MGMT: variants seen among roughly 807,000 people sequenced by gnomAD.
The protein encoded by MGMT is O-6-methylguanine-DNA methyltransferase.
Under a neutral mutation model 15.9 loss-of-function variants are expected in MGMT, and 14 were observed. That is an observed-to-expected ratio of 0.88 (90% confidence interval 0.58 to 1.37). The LOEUF (loss-of-function observed/expected upper bound fraction) is 1.37. Among genes scored for constraint, MGMT ranks in the 40% most tolerant of loss-of-function variants. The pLI is 0.00. For synonymous variants in MGMT, 130 were observed against 118.2 expected (o/e 1.10, Z -0.65); for missense variants, 282 against 268.1 (o/e 1.05, Z -0.36).
chr10:129,531,246 G>C (rs1845928250), intron 1 of MGMT, among the ~76,000 whole-genome samples: 1 of 152,128 alleles, frequency 6.6e-6, no homozygotes, highest in African/African-American at 2.4e-5. Context: ...CGGTATTACT[G>C]TGCGGGCTGT....
chr10:129,529,437 A>G (rs10829604), intron 1 of MGMT, among the ~76,000 whole-genome samples: 49,445 of 151,890 alleles, frequency 0.33, 10,085 homozygotes, highest in African/African-American at 0.59. Context: ...ACAGTTCACA[A>G]TAGGCTTCAC....
At chr10:129,689,234 C>G (rs1416012189) in intron 2 of MGMT, among the ~76,000 whole-genome samples, 1 of 152,212 alleles carries the variant, frequency 6.6e-6, no homozygotes, top group Non-Finnish European at 1.5e-5. Flanking sequence ...CAGCCCAACC[C>G]TGTCCTTTGT....
At chr10:129,645,810 A>G (rs1403969746) in intron 2 of MGMT, among the ~76,000 whole-genome samples, 1 of 152,264 alleles carries the variant, frequency 6.6e-6, no homozygotes, top group East Asian at 1.9e-4. Flanking sequence ...CGTGATGTCT[A>G]ATCTCCAGTG....
intron 2 of MGMT, among the ~76,000 whole-genome samples, chr10:129,653,740 A>G (rs544492574): frequency 3.9e-5 from 6 of 152,370 alleles, no homozygotes; most frequent in Admixed American, 3.9e-4. Context: ...CAGGAAGCAC[A>G]GCGTGGTGGC....
intron 2 of MGMT, among the ~76,000 whole-genome samples, chr10:129,548,306 C>T (rs1389120572): frequency 4.6e-5 from 7 of 152,160 alleles, no homozygotes; most frequent in East Asian, 3.8e-4. Context: ...AATATATGCT[C>T]CTGAAACTAG....
At chr10:129,505,454 A>AT (rs1845615908) in intron 1 of MGMT, among the ~76,000 whole-genome samples, 1 of 152,136 alleles carries the variant, frequency 6.6e-6, no homozygotes, top group African/African-American at 2.4e-5. Context: ...CTGAGATTCC[A>AT]TTTTTTCCAA....
chr10:129,655,851 A>T (rs953352130), intron 2 of MGMT, among the ~76,000 whole-genome samples: 2 of 152,158 alleles, frequency 1.3e-5, no homozygotes, highest in African/African-American at 4.8e-5. Context: ...GTGTTTCTGG[A>T]GGAAACGCAC....
intron 1 of MGMT, chr10:129,467,560 C>A: frequency 2.1e-6 from 1 of 465,638 alleles, no homozygotes; most frequent in African/African-American, 2.1e-5. Context: ...GCAGCCCCTG[C>A]CTTACCTCTA....
At chr10:129,646,635 C>T (rs1159604838) in intron 2 of MGMT, among the ~76,000 whole-genome samples, 1 of 149,332 alleles carries the variant, frequency 6.7e-6, no homozygotes, top group African/African-American at 2.5e-5. Flanking sequence ...CAGCTTAACA[C>T]GTGGCATCCT....
chr10:129,765,949 C>T (rs1848928932), intron 4 of MGMT, among the ~76,000 whole-genome samples: 1 of 152,220 alleles, frequency 6.6e-6, no homozygotes, highest in Non-Finnish European at 1.5e-5. Context: ...CCTGTCTACA[C>T]AGCTCGGGCA....
intron 2 of MGMT, among the ~76,000 whole-genome samples, chr10:129,619,534 T>C (rs766603523): frequency 2.6e-5 from 4 of 152,248 alleles, no homozygotes; most frequent in African/African-American, 4.8e-5. Flanking sequence ...TATTCTCTCT[T>C]GTACTGCTTT....
At chr10:129,470,111 A>T (rs914627519) in intron 1 of MGMT, among the ~76,000 whole-genome samples, 1 of 152,262 alleles carries the variant, frequency 6.6e-6, no homozygotes, top group Non-Finnish European at 1.5e-5. Flanking sequence ...TTATATAGAC[A>T]CTCATGATGC....
At chr10:129,655,153 C>T (rs753164359) in intron 2 of MGMT, among the ~76,000 whole-genome samples, 1 of 152,166 alleles carries the variant, frequency 6.6e-6, no homozygotes, top group African/African-American at 2.4e-5. Context: ...TGCAGCCATT[C>T]CCCAGCCAGT....
chr10:129,749,861 A>G (rs1848734040), intron 3 of MGMT, among the ~76,000 whole-genome samples: 1 of 152,120 alleles, frequency 6.6e-6, no homozygotes, highest in Admixed American at 6.5e-5. Flanking sequence ...TGCAGCTCCT[A>G]AAGACAAATT....
At chr10:129,559,854 G>C (rs1476350448) in intron 2 of MGMT, among the ~76,000 whole-genome samples, 1 of 152,096 alleles carries the variant, frequency 6.6e-6, no homozygotes. Flanking sequence ...GCCCTAATTT[G>C]TCTTTTGAAA....
intron 3 of MGMT, among the ~76,000 whole-genome samples, chr10:129,755,678 T>C (rs1401430132): frequency 6.6e-6 from 1 of 152,222 alleles, no homozygotes; most frequent in Non-Finnish European, 1.5e-5. Context: ...AAAGAGAGCC[T>C]CAGTGCTTGT....
At chr10:129,762,777 C>T (rs771934178) in intron 4 of MGMT, among the ~76,000 whole-genome samples, 6 of 152,094 alleles carry the variant, frequency 3.9e-5, no homozygotes, top group Non-Finnish European at 5.9e-5. Flanking sequence ...TTGTTCTGCC[C>T]GTCACCCGGA....
At chr10:129,708,165 G>A (rs1848189744) in intron 3 of MGMT, 122 bp downstream of exon 3, 2 of 1,343,272 alleles carry the variant, frequency 1.5e-6, no homozygotes, top group Admixed American at 2.3e-5. Context: ...CTAAACAGAG[G>A]CAGCGTTTGG....
rs1848987956 is a variant in MGMT, at chr10:129,770,477, C to T, written c.*3480C>T. 6.6e-6 allele frequency among the ~76,000 whole-genome samples: 1 copy of T among 152,166 alleles called. No homozygotes were observed. The highest frequency in any genetic ancestry group is 2.4e-5 in the African/African-American group (1 of 41,446). Reference sequence around the variant, plus strand: ...AGAACAGCCCTGGGGGCCACGTCCCCTCCCGGTCTCATCTGCCGCTTGCTC... The same window carrying T: ...AGAACAGCCCTGGGGGCCACGTCCCTTCCCGGTCTCATCTGCCGCTTGCTC... On this transcript the variant is annotated 3_prime_UTR_variant, in exon 5 of 5. Transcript: ENST00000651593.
Sources: gnomAD v4.1 joint callset for allele counts (sites outside exome capture counted in the v4.1 genomes callset) on GRCh38, gnomAD v4.1.1 for gene constraint, MANE v1.5 for transcripts, NCBI Gene and HGNC (gene_info 2026-07-23, HGNC 2026-07-21) for gene names.